The following CALN1 variants were observed in gnomAD, a reference collection of about 807,000 sequenced individuals.
CALN1 encodes calneuron 1.
In CALN1, 17 loss-of-function variants were observed where a neutral mutation model predicts 30.6. The observed-to-expected ratio is 0.56, with a 90% CI of 0.38 to 0.83. The LOEUF (loss-of-function observed/expected upper bound fraction) is 0.83. Among genes scored for constraint, CALN1 ranks in the 40% least tolerant of loss-of-function variants. CALN1 has a pLI of 0.00. For missense variants in CALN1, 291 were observed against 354.9 expected (o/e 0.82, Z 1.45); for synonymous variants, 156 against 131.4 (o/e 1.19, Z -1.28).
intron 5 of CALN1, among the ~76,000 whole-genome samples, chr7:71,973,355 T>C (rs1433398261): frequency 2.0e-5 from 3 of 152,156 alleles, no homozygotes; most frequent in African/African-American, 7.2e-5. Context: ...TTTGTATTTT[T>C]AGTAGAGACG....
At chr7:72,322,075 G>A (rs1455543611) in intron 2 of CALN1, among the ~76,000 whole-genome samples, 1 of 152,156 alleles carries the variant, frequency 6.6e-6, no homozygotes, top group Non-Finnish European at 1.5e-5. Context: ...ATTATTATTA[G>A]ATTGTAATAT....
the CALN1 span, among the ~76,000 whole-genome samples, chr7:72,501,928 A>AATATATATATATAT: frequency 2.8e-4 from 16 of 57,938 alleles, 1 homozygote; most frequent in South Asian, 1.0e-3. Context: ...AAAAAAAAAA[A>AATATATATATATAT]ATATATATAT....
chr7:72,342,757 A>T (rs75859468), intron 2 of CALN1, among the ~76,000 whole-genome samples: 2,070 of 152,172 alleles, frequency 0.014, 60 homozygotes, highest in African/African-American at 0.047. Context: ...TTTTTATTTT[A>T]CCATCAGTAA....
the CALN1 span, among the ~76,000 whole-genome samples, chr7:72,464,814 G>A: frequency 6.6e-6 from 1 of 152,202 alleles, no homozygotes; most frequent in African/African-American, 2.4e-5. Context: ...GGGGACAGAT[G>A]CCATCCATAG....
intron 3 of CALN1, among the ~76,000 whole-genome samples, chr7:72,186,306 G>A (rs369722424): frequency 3.3e-5 from 5 of 151,948 alleles, no homozygotes; most frequent in Admixed American, 6.6e-5. Context: ...ATGGACAGGT[G>A]GGAAAAGGGA....
intron 2 of CALN1, among the ~76,000 whole-genome samples, chr7:72,299,512 A>T (rs1266884691): frequency 6.6e-6 from 1 of 151,916 alleles, no homozygotes; most frequent in Admixed American, 6.6e-5. Flanking sequence ...TAAAAATACA[A>T]ACTTCTAAAC....
chr7:72,270,017 A>T (rs1796866717), intron 3 of CALN1, among the ~76,000 whole-genome samples: 1 of 152,320 alleles, frequency 6.6e-6, no homozygotes, highest in Middle Eastern at 3.4e-3. Context: ...CAGATAGGGT[A>T]TCTCACCAAA....
At position 71,968,883 on chromosome 7, in the gene CALN1, A is replaced by AT. The variant is rs112347759; in HGVS notation, c.501+54773dup. ...AACACAGCAAGACCACACCTCTACA[A>AT]TTTTTTTTTTTTTTAATTAGCCAGT... On this transcript the variant is annotated intron_variant, in intron 5 of 6. Transcript: ENST00000395275. Among the ~76,000 whole-genome samples, 420 of 136,960 alleles carry AT rather than the reference A, an allele frequency of 3.1e-3. 2 individuals carry two copies. The highest frequency in any genetic ancestry group is 0.019 in the East Asian group (93 of 4,826). 89.9% of individuals were successfully genotyped at this position (136,960 alleles called of 152,430 possible).
At chr7:71,956,630 T>C (rs1399815741) in intron 5 of CALN1, among the ~76,000 whole-genome samples, 1 of 151,816 alleles carries the variant, frequency 6.6e-6, no homozygotes, top group Non-Finnish European at 1.5e-5. Context: ...AGTCCCAATT[T>C]AAAGTTTTGA....
chr7:72,249,946 C>CA (rs386410444), intron 3 of CALN1, among the ~76,000 whole-genome samples: 41,124 of 116,194 alleles, frequency 0.35, 8,288 homozygotes, highest in Middle Eastern at 0.51. Flanking sequence ...CAAAACAAAC[C>CA]AAAAAAAAAA....
At chr7:72,446,715 G>T (rs914492072) in intron 1 of CALN1, among the ~76,000 whole-genome samples, 4 of 152,124 alleles carry the variant, frequency 2.6e-5, no homozygotes, top group African/African-American at 9.7e-5. Flanking sequence ...AAAGGACCCG[G>T]CCGGGAGGAA....
intron 2 of CALN1, among the ~76,000 whole-genome samples, chr7:72,361,357 C>G (rs1321774466): frequency 1.3e-5 from 2 of 151,978 alleles, no homozygotes; most frequent in Non-Finnish European, 2.9e-5. Context: ...AAAACGAGTT[C>G]AGACCAGGTG....
chr7:71,860,237 G>C (rs1791194859), intron 5 of CALN1, among the ~76,000 whole-genome samples: 3 of 149,966 alleles, frequency 2.0e-5, no homozygotes, highest in Non-Finnish European at 3.0e-5. Flanking sequence ...CTGTCACCCA[G>C]GTTGGAGTGC....
At chr7:71,908,952 T>C in intron 5 of CALN1, among the ~76,000 whole-genome samples, 1 of 152,228 alleles carries the variant, frequency 6.6e-6, no homozygotes, top group East Asian at 1.9e-4. Flanking sequence ...AGCACTTCAA[T>C]GTTTGTTCAT....
At chr7:72,217,589 T>C (rs1171962901) in intron 3 of CALN1, among the ~76,000 whole-genome samples, 2 of 151,884 alleles carry the variant, frequency 1.3e-5, no homozygotes, top group Admixed American at 6.6e-5. Context: ...AGTTCAGAGA[T>C]TGTCATCAGA....
chr7:71,842,548 T>A (rs1363114816), intron 5 of CALN1, among the ~76,000 whole-genome samples: 1 of 152,208 alleles, frequency 6.6e-6, no homozygotes, highest in Non-Finnish European at 1.5e-5. Context: ...TTACAGTGAA[T>A]TCTGAATTAA....
At chr7:71,911,907 T>A (rs1308594465) in intron 5 of CALN1, among the ~76,000 whole-genome samples, 1 of 152,102 alleles carries the variant, frequency 6.6e-6, no homozygotes, top group African/African-American at 2.4e-5. Context: ...GCATGGGTGA[T>A]CCTTGTCTTT....
chr7:71,905,679 T>A (rs991035372), intron 5 of CALN1, among the ~76,000 whole-genome samples: 3 of 152,014 alleles, frequency 2.0e-5, no homozygotes, highest in African/African-American at 7.3e-5. Flanking sequence ...GCCTGACATG[T>A]CAGTAAAATG....
At chr7:72,323,281 G>C (rs1016063930) in intron 2 of CALN1, among the ~76,000 whole-genome samples, 1 of 152,002 alleles carries the variant, frequency 6.6e-6, no homozygotes, top group Non-Finnish European at 1.5e-5. Flanking sequence ...ACGCTACCAG[G>C]CATCTCATGA....
Sources: gnomAD v4.1 joint callset for allele counts (sites outside exome capture counted in the v4.1 genomes callset) on GRCh38, gnomAD v4.1.1 for gene constraint, MANE v1.5 for transcripts, NCBI Gene and HGNC (gene_info 2026-07-23, HGNC 2026-07-21) for gene names.